The following NEDD8 variants were observed in gnomAD, a reference collection of about 807,000 sequenced individuals.
The protein encoded by NEDD8 is ubiquitin-like protein NEDD8.
A neutral mutation model predicts 13.8 loss-of-function variants in NEDD8; 1 was observed. The observed-to-expected ratio is 0.07, with a 90% CI of 0.03 to 0.34. The LOEUF is 0.34. Among genes scored for constraint, NEDD8 ranks in the 10% least tolerant of loss-of-function variants. The probability of loss-of-function intolerance (pLI) is 0.99; values close to 1 mark genes in which losing one functional copy is unlikely to be tolerated. For missense variants in NEDD8, 10 were observed against 95.2 expected (o/e 0.10, Z 3.73); for synonymous variants, 31 against 33.2 (o/e 0.93, Z 0.23).
Position 24,225,171 on chromosome 14 carries a change from C to CAA in NEDD8, c.19-6742_19-6741dup, listed in dbSNP as rs71281817. ...TGGGTGACAGAGCAAGACTCTGTCT[C>CAA]AAAAAAAAAAAAAAAGAAAAAAAGA... On this transcript the variant is annotated intron_variant, in intron 1 of 3. Transcript: ENST00000250495. Among the ~76,000 whole-genome samples, 378 of 123,416 alleles carry CAA rather than the reference C, an allele frequency of 3.1e-3. 6 individuals are homozygous for CAA. The highest frequency in any genetic ancestry group is 6.1e-3 in the African/African-American group (200 of 32,908). 81.0% of individuals were successfully genotyped at this position (123,416 alleles called of 152,430 possible).
At chr14:24,219,391 G>A (rs764059347) in intron 1 of NEDD8, among the ~76,000 whole-genome samples, 3 of 148,142 alleles carry the variant, frequency 2.0e-5, no homozygotes, top group Non-Finnish European at 3.0e-5. Context: ...GCTGAGGTGG[G>A]AGGATCACTT....
chr14:24,221,223 G>C (rs1251728495), intron 1 of NEDD8, among the ~76,000 whole-genome samples: 2 of 151,878 alleles, frequency 1.3e-5, no homozygotes, highest in Non-Finnish European at 2.9e-5. Flanking sequence ...ACAATTTGTG[G>C]TAACTTTAAA....
At chr14:24,218,085 T>C (rs1357272138) in intron 3 of NEDD8, 48 bp downstream of exon 3, 2 of 1,612,422 alleles carry the variant, frequency 1.2e-6, no homozygotes, top group African/African-American at 2.7e-5. Flanking sequence ...TCTCCTCTTC[T>C]CATCTTCACA....
chr14:24,218,696 A>C (rs527607680), intron 1 of NEDD8: 1 of 549,982 alleles, frequency 1.8e-6, no homozygotes, highest in East Asian at 3.0e-5. Context: ...TCAGTCCCCC[A>C]AAATCAGTGA....
chr14:24,221,307 C>CG (rs1594484986), intron 1 of NEDD8, among the ~76,000 whole-genome samples: 1 of 144,240 alleles, frequency 6.9e-6, no homozygotes, highest in East Asian at 2.0e-4. Flanking sequence ...TTTTTTGAGA[C>CG]GGGGTCTCAG....
intron 1 of NEDD8, among the ~76,000 whole-genome samples, chr14:24,220,011 T>C (rs542334968): frequency 1.3e-5 from 2 of 152,286 alleles, no homozygotes; most frequent in Admixed American, 6.5e-5. Flanking sequence ...TGGTGGCGCA[T>C]GCCTGTAATC....
intron 3 of NEDD8, 63 bp downstream of exon 3, chr14:24,218,070 C>T: frequency 2.5e-6 from 4 of 1,606,534 alleles, no homozygotes; most frequent in Non-Finnish European, 3.4e-6. Context: ...TCAGTACGTG[C>T]CCCCTCTCCT....
chr14:24,218,670 G>A, intron 1 of NEDD8: 1 of 588,414 alleles, frequency 1.7e-6, no homozygotes, highest in Non-Finnish European at 3.0e-6. Context: ...TTAATTCCAT[G>A]AGTCATCTTC....
At chr14:24,231,959 G>T in intron 1 of NEDD8, 1 of 419,294 alleles carries the variant, frequency 2.4e-6, no homozygotes, top group Non-Finnish European at 4.3e-6. Flanking sequence ...TGACTGCGGG[G>T]GTTCGAATAC....
In NEDD8 at chr14:24,217,022, TG is replaced by T; in HGVS notation, c.*104del. The T allele has an allele frequency of 1.1e-6, 1 of 874,718 alleles. No homozygotes were observed. Among genetic ancestry groups the T allele is most frequent in the Non-Finnish European group, 1.8e-6 (1 of 557,310 alleles). The allele number at this position is 874,718 out of a possible 1,614,324, so 54.2% of individuals were successfully genotyped here. On this transcript the variant is annotated 3_prime_UTR_variant, in exon 4 of 4. Coordinates refer to ENST00000250495, the MANE Select transcript of NEDD8 (RefSeq NM_006156.3). Reference sequence around the variant, plus strand: ...TCTCCCACCAGTAGACATACATTACTGGGCATCCAGGGGAGGGGGCAGTGGC... The same window carrying T: ...TCTCCCACCAGTAGACATACATTACTGGCATCCAGGGGAGGGGGCAGTGGC...
At chr14:24,230,912 C>A (rs2039992685) in intron 1 of NEDD8, among the ~76,000 whole-genome samples, 1 of 152,074 alleles carries the variant, frequency 6.6e-6, no homozygotes, top group African/African-American at 2.4e-5. Flanking sequence ...GCCACTGGGC[C>A]CGGCCTTTTT....
intron 2 of NEDD8, 40 bp downstream of exon 2, chr14:24,218,344 A>G (rs1478803387): frequency 7.4e-6 from 12 of 1,614,186 alleles, no homozygotes; most frequent in Admixed American, 5.0e-5. Flanking sequence ...ACAAATACAC[A>G]TGGCAAGAAG....
intron 1 of NEDD8, among the ~76,000 whole-genome samples, chr14:24,220,925 A>G (rs1594484562): frequency 1.3e-5 from 2 of 152,330 alleles, no homozygotes; most frequent in South Asian, 2.1e-4. Flanking sequence ...TCCTTATGGT[A>G]TTCACATAGA....
chr14:24,219,967 C>G (rs528115950), intron 1 of NEDD8, among the ~76,000 whole-genome samples: 2 of 152,272 alleles, frequency 1.3e-5, no homozygotes, highest in African/African-American at 4.8e-5. Flanking sequence ...TGGAGAAAGC[C>G]TTCTCTATTA....
At chr14:24,219,514 A>T (rs1415265366) in intron 1 of NEDD8, among the ~76,000 whole-genome samples, 1 of 151,574 alleles carries the variant, frequency 6.6e-6, no homozygotes. Flanking sequence ...AAGTAAAAGA[A>T]AAAAGAGAAA....
intron 1 of NEDD8, 161 bp downstream of exon 1, chr14:24,232,065 CCTGGGCCCCGCTCTCAAAGCCCTT>C (rs1257076680): frequency 1.1e-6 from 1 of 877,692 alleles, no homozygotes; most frequent in African/African-American, 1.7e-5. Flanking sequence ...TCAGGTGGGA[CCTGGGCCCCGCTCTCAAAGCCCTT>C]CTGGGTCCCC....
At chr14:24,225,259 A>G (rs896652647) in intron 1 of NEDD8, among the ~76,000 whole-genome samples, 3 of 152,074 alleles carry the variant, frequency 2.0e-5, no homozygotes, top group Non-Finnish European at 4.4e-5. Context: ...CAAGAAAAAA[A>G]TGGGAAAAAG....
chr14:24,218,353 A>T (rs760526482), intron 2 of NEDD8, 31 bp downstream of exon 2: 1 of 1,614,262 alleles, frequency 6.2e-7, no homozygotes, highest in East Asian at 2.2e-5. Flanking sequence ...CATGGCAAGA[A>T]GTACATGAAG....
At chr14:24,221,645 G>A (rs1401728512) in intron 1 of NEDD8, among the ~76,000 whole-genome samples, 2 of 151,878 alleles carry the variant, frequency 1.3e-5, no homozygotes, top group Non-Finnish European at 2.9e-5. Flanking sequence ...GCCCAGGCTG[G>A]AGTGCAACGG....
Sources: gnomAD v4.1 joint callset for allele counts (sites outside exome capture counted in the v4.1 genomes callset) on GRCh38, gnomAD v4.1.1 for gene constraint, MANE v1.5 for transcripts, NCBI Gene and HGNC (gene_info 2026-07-23, HGNC 2026-07-21) for gene names.